RMND5A: variants seen among roughly 807,000 people sequenced by gnomAD.
RMND5A encodes the protein required for meiotic nuclear division 5 homolog A, also known as E3 ubiquitin-protein transferase RMND5A.
RMND5A carries 17 observed loss-of-function variants against 49.7 expected under a neutral mutation model. The observed-to-expected ratio is 0.34, with a 90% confidence interval of 0.23 to 0.51. The LOEUF is 0.51. Among genes scored for constraint, RMND5A ranks in the 20% least tolerant of loss-of-function variants. RMND5A has a pLI of 0.96. For synonymous variants in RMND5A, 156 were observed against 167.7 expected, an observed-to-expected ratio of 0.93 and a Z score of 0.54; for missense variants, 255 against 471.3, an observed-to-expected ratio of 0.54 and a Z score of 4.25.
chr2:86,755,112 C>CT (rs536948355), intron 4 of RMND5A, among the ~76,000 whole-genome samples: 12,873 of 141,280 alleles, frequency 0.091, 1,722 homozygotes, highest in African/African-American at 0.29. Context: ...GCAACAACTA[C>CT]TTTTTTTTTT....
intron 2 of RMND5A, among the ~76,000 whole-genome samples, chr2:86,745,975 T>C (rs746729602): frequency 2.6e-5 from 4 of 152,206 alleles, no homozygotes; most frequent in Admixed American, 6.5e-5. Flanking sequence ...AAAAAAATTT[T>C]AAACCTCATT....
chr2:86,752,156 T>C (rs934796109), intron 3 of RMND5A, 126 bp downstream of exon 3: 10 of 847,594 alleles, frequency 1.2e-5, no homozygotes, highest in African/African-American at 6.9e-5. Context: ...ATTTAAATTA[T>C]CAGAGATGAC....
intron 6 of RMND5A, among the ~76,000 whole-genome samples, chr2:86,769,234 C>T (rs1335171176): frequency 6.6e-6 from 1 of 152,220 alleles, no homozygotes; most frequent in Non-Finnish European, 1.5e-5. Flanking sequence ...GAGTGAGCCA[C>T]CACCATCTGC....
rs1352653508 is a variant in RMND5A at position 86,777,769 on chromosome 2, G to C, written c.*4358G>C. 6.6e-6 allele frequency: 1 copy of C among 152,116 alleles called. No individual in the cohort carries two copies. The highest frequency in any genetic ancestry group is 1.5e-5 in the Non-Finnish European group (1 of 68,018). 9.4% of individuals were successfully genotyped at this position (152,116 alleles called of 1,614,324 possible). ...TAAAGTTGCATCTTATAGACTATAG[G>C]CAATAAAGCTAACAATAAACCTTAT... is the stretch of plus-strand genomic sequence containing the variant. On this transcript the variant is annotated 3_prime_UTR_variant, in exon 9 of 9. Coordinates refer to ENST00000283632, the MANE Select transcript of RMND5A (RefSeq NM_022780.4).
intron 4 of RMND5A, among the ~76,000 whole-genome samples, chr2:86,754,768 C>T (rs746169010): frequency 2.4e-4 from 36 of 151,996 alleles, no homozygotes; most frequent in Admixed American, 5.2e-4. Flanking sequence ...ACTATGTTAC[C>T]CAGGCTGGTT....
In RMND5A at chr2:86,775,776, A is replaced by G. The variant is rs780898419; in HGVS notation, c.*2365A>G. 2.6e-4 allele frequency: 40 copies of G among 152,318 alleles called. No individual in the cohort carries two copies. Among genetic ancestry groups the G allele is most frequent in the Non-Finnish European group, 5.6e-4 (38 of 68,018 alleles). 9.4% of individuals were successfully genotyped at this position (152,318 alleles called of 1,614,324 possible). A position where few individuals can be genotyped will look rare whatever the true frequency, so the allele number is the denominator to read the frequency against. On this transcript the variant is annotated 3_prime_UTR_variant, in exon 9 of 9. Coordinates refer to ENST00000283632, the MANE Select transcript of RMND5A (RefSeq NM_022780.4). ...CCGTCTTCAAGTGCATGGACTTAAAATTCATGAGAGACTAAATGTGAGGGA... is the reference window on the plus strand; with the variant it reads ...CCGTCTTCAAGTGCATGGACTTAAAGTTCATGAGAGACTAAATGTGAGGGA...
At chr2:86,754,304 A>C (rs1160831057) in intron 4 of RMND5A, among the ~76,000 whole-genome samples, 2 of 152,210 alleles carry the variant, frequency 1.3e-5, no homozygotes, top group Non-Finnish European at 2.9e-5. Flanking sequence ...CCAGTCCTAA[A>C]ATTTTTTACT....
At chr2:86,748,700 TTGATC>T (rs1482967245) in intron 2 of RMND5A, among the ~76,000 whole-genome samples, 7 of 152,236 alleles carry the variant, frequency 4.6e-5, no homozygotes, top group African/African-American at 1.2e-4. Flanking sequence ...ATTATTTTGT[TTGATC>T]TGAGCAAGTA....
At chr2:86,769,967 G>C (rs1490061940) in intron 6 of RMND5A, 56 bp from the exon 7 acceptor site, 1 of 1,295,372 alleles carries the variant, frequency 7.7e-7, no homozygotes, top group South Asian at 1.2e-5. Context: ...TGTCTCCTTG[G>C]ACCAAGCGGC....
intron 1 of RMND5A, 134 bp downstream of exon 1, chr2:86,720,943 C>T (rs1173638613): frequency 1.4e-6 from 1 of 729,652 alleles, no homozygotes. Flanking sequence ...CGGAGGCCCC[C>T]AGACCCCTGA....
chr2:86,763,858 A>G (rs1328778598), intron 4 of RMND5A, among the ~76,000 whole-genome samples: 1 of 152,178 alleles, frequency 6.6e-6, no homozygotes, highest in Admixed American at 6.5e-5. Context: ...AGTGCCAGGC[A>G]AGGAACCAAG....
intron 1 of RMND5A, 180 bp downstream of exon 1, chr2:86,720,989 C>G: frequency 1.9e-6 from 1 of 512,908 alleles, no homozygotes; most frequent in Non-Finnish European, 3.3e-6. Context: ...TACCTCGAAC[C>G]TGCCGCGACC....
intron 4 of RMND5A, among the ~76,000 whole-genome samples, chr2:86,759,833 G>A (rs1681817482): frequency 1.3e-5 from 2 of 152,000 alleles, no homozygotes; most frequent in South Asian, 4.1e-4. Flanking sequence ...GGAAGGGGGA[G>A]GGGCAGGGGC....
intron 6 of RMND5A, among the ~76,000 whole-genome samples, chr2:86,769,453 G>T (rs1672651380): frequency 6.6e-6 from 1 of 152,200 alleles, no homozygotes; most frequent in African/African-American, 2.4e-5. Flanking sequence ...GTTATGTCTT[G>T]TATATTGCTG....
At chr2:86,744,432 G>A (rs144638636) in intron 2 of RMND5A, among the ~76,000 whole-genome samples, 1 of 152,236 alleles carries the variant, frequency 6.6e-6, no homozygotes, top group East Asian at 1.9e-4. Context: ...TAATAAACTG[G>A]AATGTCCATC....
chr2:86,770,934 C>T (rs972300146), intron 7 of RMND5A, among the ~76,000 whole-genome samples: 1 of 152,208 alleles, frequency 6.6e-6, no homozygotes, highest in Non-Finnish European at 1.5e-5. Flanking sequence ...CCCTGAAAAG[C>T]TAACATACGC....
chr2:86,756,684 G>C (rs192721132), intron 4 of RMND5A, among the ~76,000 whole-genome samples: 2 of 152,306 alleles, frequency 1.3e-5, no homozygotes, highest in Admixed American at 1.3e-4. Flanking sequence ...TACAGCAAAA[G>C]TTGAATGATA....
At chr2:86,773,271 A>T (rs570137384) in intron 8 of RMND5A, 77 bp from the exon 9 acceptor site, 6 of 743,350 alleles carry the variant, frequency 8.1e-6, no homozygotes, top group Non-Finnish European at 4.6e-6. Flanking sequence ...TGTTAAAGAT[A>T]CTCTATAACT....
intron 4 of RMND5A, among the ~76,000 whole-genome samples, chr2:86,763,521 TG>T (rs1206153263): frequency 6.6e-6 from 1 of 152,188 alleles, no homozygotes; most frequent in African/African-American, 2.4e-5. Flanking sequence ...AGCTCACACC[TG>T]TAACCGCAGC....
Sources: gnomAD v4.1 joint callset for allele counts (sites outside exome capture counted in the v4.1 genomes callset) on GRCh38, gnomAD v4.1.1 for gene constraint, MANE v1.5 for transcripts, NCBI Gene and HGNC (gene_info 2026-07-23, HGNC 2026-07-21) for gene names.